Variants in SLC24A3 observed in about 807,000 individuals in gnomAD.
The protein encoded by SLC24A3 is sodium/potassium/calcium exchanger 3.
In SLC24A3, 28 loss-of-function variants were observed where a neutral mutation model predicts 75.8. The ratio of observed to expected loss-of-function variants is 0.37; its 90% CI spans 0.27 to 0.51. The LOEUF (loss-of-function observed/expected upper bound fraction) is 0.51, where lower values mean the gene tolerates loss of function less well. Ranked by LOEUF, SLC24A3 falls within the 20% of genes least tolerant of loss-of-function variation. The probability of loss-of-function intolerance (pLI) is 0.94; values close to 1 mark genes in which losing one functional copy is unlikely to be tolerated. For missense variants in SLC24A3, 663 were observed against 847.8 expected, an observed-to-expected ratio of 0.78 and a Z score of 2.71; for synonymous variants, 372 against 334.1, an observed-to-expected ratio of 1.11 and a Z score of -1.24.
intron 2 of SLC24A3, among the ~76,000 whole-genome samples, chr20:19,458,226 C>T (rs932544480): frequency 1.6e-4 from 24 of 152,062 alleles, no homozygotes; most frequent in Non-Finnish European, 2.2e-4. Context: ...TGTGTGTTTC[C>T]GTATTCTTTT....
chr20:19,254,496 T>A (rs1182777387), intron 1 of SLC24A3, among the ~76,000 whole-genome samples: 1 of 152,192 alleles, frequency 6.6e-6, no homozygotes, highest in East Asian at 1.9e-4. Flanking sequence ...TGTTGTAGAG[T>A]CTGTCATTCC....
intron 6 of SLC24A3, among the ~76,000 whole-genome samples, chr20:19,649,187 T>C (rs1386531969): frequency 6.6e-6 from 1 of 152,202 alleles, no homozygotes; most frequent in Non-Finnish European, 1.5e-5. Context: ...GATGCAGAGA[T>C]GCTAACACGC....
At chr20:19,224,798 C>T (rs1426646729) in intron 1 of SLC24A3, among the ~76,000 whole-genome samples, 1 of 152,044 alleles carries the variant, frequency 6.6e-6, no homozygotes, top group African/African-American at 2.4e-5. Flanking sequence ...CTTTCTGATT[C>T]TTTGCTTAGT....
chr20:19,559,413 T>G (rs1220113925), intron 3 of SLC24A3, among the ~76,000 whole-genome samples: 1 of 152,234 alleles, frequency 6.6e-6, no homozygotes, highest in Non-Finnish European at 1.5e-5. Flanking sequence ...TGGCCTGCAT[T>G]TTCATTTTCT....
chr20:19,245,046 A>G (rs1982446253), intron 1 of SLC24A3, among the ~76,000 whole-genome samples: 1 of 152,174 alleles, frequency 6.6e-6, no homozygotes, highest in African/African-American at 2.4e-5. Flanking sequence ...GAGCCTTTTG[A>G]TTAATAAACA....
intron 6 of SLC24A3, among the ~76,000 whole-genome samples, chr20:19,644,134 G>T (rs1250823413): frequency 1.3e-5 from 2 of 152,168 alleles, no homozygotes; most frequent in Admixed American, 6.5e-5. Flanking sequence ...CTTCTAACTT[G>T]CAGCTTCAGC....
chr20:19,238,857 C>T (rs1423752483), intron 1 of SLC24A3, among the ~76,000 whole-genome samples: 4 of 152,214 alleles, frequency 2.6e-5, no homozygotes, highest in Non-Finnish European at 4.4e-5. Flanking sequence ...ATCAGTATTA[C>T]TATTGATCTT....
intron 2 of SLC24A3, among the ~76,000 whole-genome samples, chr20:19,329,346 CT>C (rs1227906449): frequency 1.3e-5 from 2 of 152,026 alleles, no homozygotes; most frequent in African/African-American, 4.8e-5. Context: ...TTTACAGAGT[CT>C]TTTTTCTATT....
chr20:19,380,569 T>C (rs1986163944), intron 2 of SLC24A3, among the ~76,000 whole-genome samples: 1 of 152,210 alleles, frequency 6.6e-6, no homozygotes, highest in African/African-American at 2.4e-5. Flanking sequence ...GCTGATTTGT[T>C]TTCCTTCTTT....
chr20:19,293,656 A>AG (rs1983995661), intron 2 of SLC24A3, among the ~76,000 whole-genome samples: 1 of 106,690 alleles, frequency 9.4e-6, no homozygotes, highest in African/African-American at 4.9e-5. Context: ...ACTTCGTCTC[A>AG]AAAAAAAAAA....
At chr20:19,554,356 T>C (rs2030749532) in intron 3 of SLC24A3, among the ~76,000 whole-genome samples, 1 of 152,196 alleles carries the variant, frequency 6.6e-6, no homozygotes. Context: ...ATTTTTTTCA[T>C]TGCATATGTA....
At chr20:19,462,225 C>T (rs990150161) in intron 2 of SLC24A3, among the ~76,000 whole-genome samples, 1 of 152,138 alleles carries the variant, frequency 6.6e-6, no homozygotes, top group Non-Finnish European at 1.5e-5. Context: ...CTGCTGTCCT[C>T]AGAGCTTCTG....
intron 3 of SLC24A3, among the ~76,000 whole-genome samples, chr20:19,574,848 C>G (rs147233784): frequency 2.8e-4 from 43 of 152,274 alleles, no homozygotes; most frequent in Non-Finnish European, 5.0e-4. Context: ...AGTCTAGGAC[C>G]TGATGGGAGA....
chr20:19,441,321 G>A (rs1199882659), intron 2 of SLC24A3, among the ~76,000 whole-genome samples: 2 of 152,110 alleles, frequency 1.3e-5, no homozygotes, highest in African/African-American at 2.4e-5. Context: ...CACACACAGG[G>A]CTAGCACAGA....
At chr20:19,365,812 A>T (rs991551439) in intron 2 of SLC24A3, among the ~76,000 whole-genome samples, 1 of 152,018 alleles carries the variant, frequency 6.6e-6, no homozygotes, top group African/African-American at 2.4e-5. Flanking sequence ...AAAGTTTCCT[A>T]CTTTCTGGTT....
At chr20:19,419,589 G>A (rs1048708847) in intron 2 of SLC24A3, among the ~76,000 whole-genome samples, 4 of 152,112 alleles carry the variant, frequency 2.6e-5, no homozygotes, top group African/African-American at 4.8e-5. Context: ...CATGTGGACC[G>A]TCTCTGCAGT....
At chr20:19,342,743 G>T (rs372080612) in intron 2 of SLC24A3, among the ~76,000 whole-genome samples, 1 of 152,120 alleles carries the variant, frequency 6.6e-6, no homozygotes, top group Admixed American at 6.6e-5. Context: ...AGATAACGTC[G>T]AAGGTGGGTC....
At chr20:19,584,023 G>T (rs56930573) in intron 4 of SLC24A3, among the ~76,000 whole-genome samples, 6,151 of 152,266 alleles carry the variant, frequency 0.04, 163 homozygotes, top group South Asian at 0.096. Context: ...GCAGCTGTAG[G>T]TGCCACTGGG....
At chr20:19,431,758 G>A (rs1353815838) in intron 2 of SLC24A3, among the ~76,000 whole-genome samples, 1 of 151,440 alleles carries the variant, frequency 6.6e-6, no homozygotes. Flanking sequence ...ATAATAACTT[G>A]TTAACAAGGT....
Sources: allele counts gnomAD v4.1 joint callset (sites outside exome capture counted in the v4.1 genomes callset), GRCh38; gene constraint gnomAD v4.1.1; transcripts MANE v1.5; gene names NCBI Gene and HGNC (gene_info 2026-07-23, HGNC 2026-07-21).